Variants in EIF2B5 observed in about 807,000 individuals in gnomAD.
EIF2B5 encodes the protein eukaryotic translation initiation factor 2B subunit epsilon.
In EIF2B5, 38 loss-of-function variants were observed where a neutral mutation model predicts 87.3. That is an observed-to-expected ratio of 0.44 (90% confidence interval 0.34 to 0.57). EIF2B5 has a LOEUF of 0.57. Among genes scored for constraint, EIF2B5 ranks in the 20% least tolerant of loss-of-function variants. EIF2B5 has a pLI of 0.02. For missense variants in EIF2B5, 784 were observed against 909.5 expected, an observed-to-expected ratio of 0.86 and a Z score of 1.78; for synonymous variants, 313 against 339.6, an observed-to-expected ratio of 0.92 and a Z score of 0.86.
Position 184,145,002 on chromosome 3 carries a change from A to G in EIF2B5, c.*59A>G. ...GTGCCCTCCTGGCTCCTGGGCTGGG[A>G]CAAGTGAGGAACTAGCTGCAGAGGG... is the stretch of plus-strand genomic sequence containing the variant. On this transcript the variant is annotated 3_prime_UTR_variant, in exon 16 of 16. Coordinates refer to ENST00000648915, the MANE Select transcript of EIF2B5 (RefSeq NM_003907.3). The surrounding 1 kb of genome is among the most constrained non-coding windows in gnomAD (Gnocchi z 4.0). The G allele has an allele frequency of 6.5e-7, 1 of 1,527,202 alleles. No individual in the cohort carries two copies. Among genetic ancestry groups the G allele is most frequent in the Non-Finnish European group, 9.0e-7 (1 of 1,105,454 alleles). 94.6% of individuals were successfully genotyped at this position (1,527,202 alleles called of 1,614,324 possible).
Position 184,141,969 on chromosome 3 carries a change from C to G in EIF2B5, c.1201C>G (p.Arg401Gly). 2 of 1,614,040 alleles carry G rather than the reference C, an allele frequency of 1.2e-6. No individual in the cohort carries two copies. The highest frequency in any genetic ancestry group is 1.6e-4 in the Middle Eastern group (1 of 6,062). ...CCAGACCTACCTGTGGCAGGGTGTTCGAGTGGCGGCTGGAGCACAGATCCA... is the reference window on the plus strand; with the variant it reads ...CCAGACCTACCTGTGGCAGGGTGTTGGAGTGGCGGCTGGAGCACAGATCCA... The part of the protein sequence containing the change: ...LDQTYLWQGV[R>G]VAAGAQIHQS... Residue 401 changes from arginine (R) to glycine (G), a missense_variant, in exon 8 of 16, where the codon CGA becomes GGA. Coordinates refer to ENST00000648915, the MANE Select transcript of EIF2B5 (RefSeq NM_003907.3).
At chr3:184,139,270 ATTTT>A (rs1196978595) in intron 5 of EIF2B5, among the ~76,000 whole-genome samples, 53 of 48,008 alleles carry the variant, frequency 1.1e-3, no homozygotes, top group African/African-American at 4.8e-3. Context: ...TGCACCCAGC[ATTTT>A]TTTTTTTTTT....
chr3:184,140,021 CAAAAA>C (rs112477801), intron 5 of EIF2B5, 54 bp from the exon 6 acceptor site: 103 of 1,192,458 alleles, frequency 8.6e-5, no homozygotes, highest in Middle Eastern at 2.7e-4. Flanking sequence ...AGACTTGTCT[CAAAAA>C]AAAAAAAAAA....
At chr3:184,144,730 C>T (rs563669983) in intron 15 of EIF2B5, 23 bp downstream of exon 15, 12 of 1,606,160 alleles carry the variant, frequency 7.5e-6, no homozygotes, top group Admixed American at 5.1e-5. Context: ...GTCCTCCTCT[C>T]GCCAAGATGG....
chr3:184,145,027 G>A lies in EIF2B5; in HGVS notation c.*84G>A. The stretch of plus-strand genomic sequence containing the variant: ...ACAAGTGAGGAACTAGCTGCAGAGG[G>A]ATGAGTGACCACCATCCAGGCTGAG... On this transcript the variant is annotated 3_prime_UTR_variant, in exon 16 of 16. Transcript: ENST00000648915. This position sits in a 1 kb window ranked among gnomAD's most constrained non-coding sequence, Gnocchi z 4.0. 4.0e-6 allele frequency: 5 copies of A among 1,260,958 alleles called. No homozygotes were observed. The highest frequency in any genetic ancestry group is 5.8e-6 in the Non-Finnish European group (5 of 868,850). The allele number at this position is 1,260,958 out of a possible 1,614,324, so 78.1% of individuals were successfully genotyped here.
In EIF2B5 at chr3:184,140,439, A is replaced by G. The variant is rs1713575522; in HGVS notation, c.865A>G (p.Met289Val). ...TCAGATCCTAGGGAACCAGATCCAC[A>G]TGCACGTAACAGCTAAGGAATATGG... Reference protein sequence around the residue: ...NEEILGNQIHMHVTAKEYGAR... With the variant: ...NEEILGNQIHVHVTAKEYGAR... The change falls in exon 7 of 16, where the codon ATG becomes GTG. Residue 289 changes from methionine (M) to valine (V), a missense_variant. Met to Val is a conservative substitution (Grantham distance 21, BLOSUM62 1). Around this residue, in one of 3 missense-constraint regions of EIF2B5, gnomAD observed 660 missense variants for 789.5 expected, o/e 0.84. Transcript: ENST00000648915. 6.2e-7 allele frequency: 1 copy of G among 1,614,122 alleles called. No individual in the cohort carries two copies. Among genetic ancestry groups the G allele is most frequent in the Non-Finnish European group, 8.5e-7 (1 of 1,180,012 alleles).
rs761708632 is a variant in EIF2B5 at position 184,137,793 on chromosome 3, T to A, written c.494T>A (p.Leu165His). 1.9e-6 allele frequency: 3 copies of A among 1,614,086 alleles called. No individual in the cohort carries two copies. The highest frequency in any genetic ancestry group is 3.3e-5 in the Admixed American group (2 of 60,008). Reference sequence around the variant, plus strand: ...TCAAACATCAATATCACCAGAGCCCTTGAGGAACACAGGTCAGGATGGGAA... The same window carrying A: ...TCAAACATCAATATCACCAGAGCCCATGAGGAACACAGGTCAGGATGGGAA... ...VISNINITRALEEHRLRRKLE... is the reference protein window; with the variant it reads ...VISNINITRAHEEHRLRRKLE... The change falls in exon 3 of 16, where the codon CTT becomes CAT. Residue 165 changes from leucine to histidine, a missense_variant. By Grantham distance (99) the Leu-to-His change is moderately conservative. This residue lies in a region of EIF2B5 where 660 missense variants were observed against 789.5 expected (regional missense o/e 0.84). Coordinates refer to ENST00000648915, the MANE Select transcript of EIF2B5 (RefSeq NM_003907.3).
In EIF2B5 at chr3:184,143,910, T is replaced by A. The variant is rs1385191231; in HGVS notation, c.1870-189T>A. The A allele has an allele frequency of 3.3e-6, 3 of 920,462 alleles. No individual in the cohort carries two copies. The East Asian group carries it at 7.2e-5, about 22-fold the overall frequency. 57.0% of individuals were successfully genotyped at this position (920,462 alleles called of 1,614,324 possible). ...AGGCAGCCTATAGCATCTGATCCCC[T>A]TTCACCTTCCCTAAGGAATCTCTTT... On this transcript the variant is annotated intron_variant, in intron 13 of 15. Coordinates refer to ENST00000648915, the MANE Select transcript of EIF2B5 (RefSeq NM_003907.3).
In EIF2B5 at chr3:184,144,947, C is replaced by A; in HGVS notation, c.*4C>A. On this transcript the variant is annotated 3_prime_UTR_variant, in exon 16 of 16. Coordinates refer to ENST00000648915, the MANE Select transcript of EIF2B5 (RefSeq NM_003907.3). ...GGAGTCATCTGAAGATGACTGAAGT[C>A]ACACTGCCTGCTCCTTTGGGTGTGA... The A allele has an allele frequency of 6.2e-7, 1 of 1,613,310 alleles. No individual in the cohort carries two copies. Among genetic ancestry groups the A allele is most frequent in the South Asian group, 1.1e-5 (1 of 90,906 alleles).
chr3:184,138,849 A>C, intron 5 of EIF2B5: 1 of 279,920 alleles, frequency 3.6e-6, no homozygotes, highest in Non-Finnish European at 7.1e-6. Context: ...TTTTGTAGAG[A>C]CGGGGTTTTG....
Position 184,142,288 on chromosome 3 carries a change from C to T in EIF2B5, c.1354C>T (p.His452Tyr), listed in dbSNP as rs765486930. The T allele has an allele frequency of 1.2e-6, 2 of 1,614,082 alleles. No individual in the cohort carries two copies. Among genetic ancestry groups the T allele is most frequent in the South Asian group, 1.1e-5 (1 of 91,078 alleles). ...GCCTGAGGGCTCGGTGATCTCTTTG[C>T]ACCCTCCAGATGCAGAGGAAGATGA... ...TLPEGSVISL[H>Y]PPDAEEDEDD... The change falls in exon 9 of 16, where the codon CAC (histidine) becomes TAC (tyrosine). Residue 452 changes from histidine (H) to tyrosine (Y), a missense_variant. This residue lies in a region of EIF2B5 where 660 missense variants were observed against 789.5 expected (regional missense o/e 0.84). Coordinates refer to ENST00000648915, the MANE Select transcript of EIF2B5 (RefSeq NM_003907.3). This position sits in a 1 kb window ranked among gnomAD's most constrained non-coding sequence, Gnocchi z 5.0.
Position 184,137,782 on chromosome 3 carries a change from C to T in EIF2B5, c.483C>T (p.Ile161=). The T allele has an allele frequency of 1.2e-6, 2 of 1,614,216 alleles. No homozygotes were observed. Among genetic ancestry groups the T allele is most frequent in the East Asian group, 2.2e-5 (1 of 44,884 alleles). ...GGGATGTCATCTCAAACATCAATATCACCAGAGCCCTTGAGGAACACAGGT... is the reference window on the plus strand; with the variant it reads ...GGGATGTCATCTCAAACATCAATATTACCAGAGCCCTTGAGGAACACAGGT... ...VYGDVISNIN[I]TRALEEHRLR... The change falls in exon 3 of 16, where the codon ATC becomes ATT. Residue 161 remains isoleucine, a synonymous_variant. Transcript: ENST00000648915.
intron 5 of EIF2B5, 43 bp from the exon 6 acceptor site, chr3:184,140,037 A>G (rs1560108115): frequency 6.7e-7 from 1 of 1,494,096 alleles, no homozygotes; most frequent in East Asian, 2.3e-5. Context: ...AAAAAAAAAA[A>G]GAATAGTACT....
Position 184,142,884 on chromosome 3 carries a change from A to G in EIF2B5, c.1652A>G (p.Lys551Arg). 6.2e-7 allele frequency: 1 copy of G among 1,613,084 alleles called. No homozygotes were observed. Among genetic ancestry groups the G allele is most frequent in the Non-Finnish European group, 8.5e-7 (1 of 1,179,476 alleles). ...GGCTCCCCTCAGATGGATGACATCA[A>G]AGGTGAGTGGCAGGGGAGAAATGCG... is the stretch of plus-strand genomic sequence containing the variant. ...RGGSPQMDDIKVFQNEVLGTL... is the reference protein window; with the variant it reads ...RGGSPQMDDIRVFQNEVLGTL... The change falls in exon 11 of 16, where the codon AAA (lysine) becomes AGA (arginine). Residue 551 changes from lysine to arginine, a missense_variant and splice_region_variant. Transcript: ENST00000648915. The surrounding 1 kb of genome is among the most constrained non-coding windows in gnomAD (Gnocchi z 5.0).
At chr3:184,138,946 G>T in intron 5 of EIF2B5, 1 of 261,216 alleles carries the variant, frequency 3.8e-6, no homozygotes, top group South Asian at 3.1e-5. Flanking sequence ...ACAGGCATGA[G>T]CCACCAGTTT....
chr3:184,135,481 C>T lies in EIF2B5; in HGVS notation c.96C>T (p.Ala32=). Residue 32 remains alanine, a synonymous_variant, in exon 1 of 16, where the codon GCC becomes GCT. Transcript: ENST00000648915. ...AGPGGSGGGG[A]RGAEEEPPPP... ...CGGGAGGCAGCGGTGGCGGGGGAGC[C>T]AGAGGGGCGGAGGAGGAACCGCCGC... The T allele has an allele frequency of 1.3e-6, 2 of 1,580,110 alleles. No homozygotes were observed. The highest frequency in any genetic ancestry group is 1.7e-6 in the Non-Finnish European group (2 of 1,163,934).
At chr3:184,144,856 A>C (rs1386663067) in intron 15 of EIF2B5, 28 bp from the exon 16 acceptor site, 2 of 1,612,406 alleles carry the variant, frequency 1.2e-6, no homozygotes, top group Non-Finnish European at 1.7e-6. Context: ...CACCTCCCCC[A>C]GCCGATCTCT....
chr3:184,142,643 G>T lies in EIF2B5; in HGVS notation c.1546+40G>T, dbSNP rs761136935. 1 of 1,590,904 alleles carries T rather than the reference G, an allele frequency of 6.3e-7. No homozygotes were observed. Among genetic ancestry groups the T allele is most frequent in the African/African-American group, 1.3e-5 (1 of 74,324 alleles). On this transcript the variant is annotated intron_variant, in intron 10 of 15. Transcript: ENST00000648915. This position sits in a 1 kb window ranked among gnomAD's most constrained non-coding sequence, Gnocchi z 5.0. ...ATGCCTGCCCTTCTCCTCCTGAATC[G>T]GAATATTTTGAAGGATAATGAATAC...
rs373900252 is a variant in EIF2B5, at chr3:184,142,980, G to A, written c.1655-72G>A. ...CGTTCCTCAGAAAGGGTTTGGTATC[G>A]AGTCAAGACTAGATGACTTAGAGCA... On this transcript the variant is annotated intron_variant, in intron 11 of 15. Coordinates refer to ENST00000648915, the MANE Select transcript of EIF2B5 (RefSeq NM_003907.3). The surrounding 1 kb of genome is among the most constrained non-coding windows in gnomAD (Gnocchi z 5.0). 3.8e-6 allele frequency: 6 copies of A among 1,568,222 alleles called. No individual in the cohort carries two copies. Among genetic ancestry groups the A allele is most frequent in the Non-Finnish European group, 5.2e-6 (6 of 1,144,858 alleles).
Sources: allele counts gnomAD v4.1 joint callset (sites outside exome capture counted in the v4.1 genomes callset), GRCh38; gene constraint gnomAD v4.1.1; regional missense constraint gnomAD v4.1.1; non-coding constraint Gnocchi (gnomAD v3.1); transcripts MANE v1.5; gene names NCBI Gene and HGNC (gene_info 2026-07-23, HGNC 2026-07-21).